RETREG1: variants seen among roughly 807,000 people sequenced by gnomAD.
RETREG1 encodes the protein family with sequence similarity 134 member B.
RETREG1 carries 44 observed loss-of-function variants against 54.8 expected under a neutral mutation model. The ratio of observed to expected loss-of-function variants is 0.80; its 90% CI spans 0.63 to 1.03. The LOEUF is 1.03. Ranked by LOEUF, RETREG1 falls within the 50% of genes least tolerant of loss-of-function variation. The pLI is 0.00. For missense variants in RETREG1, 554 were observed against 605.1 expected (o/e 0.92, Z 0.89); for synonymous variants, 217 against 238.5 (o/e 0.91, Z 0.83).
intron 1 of RETREG1, among the ~76,000 whole-genome samples, chr5:16,606,898 G>C (rs2126369153): frequency 6.6e-6 from 1 of 152,262 alleles, no homozygotes; most frequent in South Asian, 2.1e-4. Flanking sequence ...TGAGCTGAAT[G>C]AACACTGTTT....
chr5:16,553,931 C>T (rs1741615902), intron 3 of RETREG1, among the ~76,000 whole-genome samples: 1 of 152,122 alleles, frequency 6.6e-6, no homozygotes, highest in East Asian at 1.9e-4. Context: ...TCTCAGATTC[C>T]CTCTTGTTGT....
chr5:16,565,718 T>C, intron 3 of RETREG1, 45 bp downstream of exon 3: 1 of 1,602,088 alleles, frequency 6.2e-7, no homozygotes, highest in Non-Finnish European at 8.6e-7. Flanking sequence ...GTCCCCTCCC[T>C]CACCCTCCCT....
chr5:16,493,949 A>G (rs758624337), intron 3 of RETREG1, among the ~76,000 whole-genome samples: 1 of 152,242 alleles, frequency 6.6e-6, no homozygotes, highest in Non-Finnish European at 1.5e-5. Context: ...ATAAAAAGCA[A>G]TAACCTGGAA....
intron 3 of RETREG1, among the ~76,000 whole-genome samples, chr5:16,483,869 T>C (rs1437291672): frequency 1.3e-5 from 2 of 152,018 alleles, no homozygotes; most frequent in African/African-American, 2.4e-5. Context: ...TGAGTCTCAA[T>C]GTGACTCCAG....
At chr5:16,535,021 A>ACCC (rs1279832454) in intron 3 of RETREG1, among the ~76,000 whole-genome samples, 1 of 152,178 alleles carries the variant, frequency 6.6e-6, no homozygotes, top group Non-Finnish European at 1.5e-5. Context: ...TGGACATTAA[A>ACCC]CAAGTGAAGA....
chr5:16,525,811 T>G (rs1284417029), intron 3 of RETREG1, among the ~76,000 whole-genome samples: 1 of 152,026 alleles, frequency 6.6e-6, no homozygotes, highest in African/African-American at 2.4e-5. Flanking sequence ...CTCATGTGAC[T>G]ATGAGGGCCT....
intron 3 of RETREG1, among the ~76,000 whole-genome samples, chr5:16,518,604 T>G (rs1740435663): frequency 1.3e-5 from 2 of 151,688 alleles, no homozygotes; most frequent in Admixed American, 6.6e-5. Flanking sequence ...GAAAAGGGGG[T>G]TGTAAGGAGA....
intron 3 of RETREG1, among the ~76,000 whole-genome samples, chr5:16,488,074 G>T (rs1331167979): frequency 6.6e-6 from 1 of 152,176 alleles, no homozygotes; most frequent in African/African-American, 2.4e-5. Context: ...ATTTTAACAG[G>T]TGTCCTAGAT....
chr5:16,538,703 CT>C (rs879370720), intron 3 of RETREG1, among the ~76,000 whole-genome samples: 2,444 of 142,900 alleles, frequency 0.017, 30 homozygotes, highest in African/African-American at 0.039. Flanking sequence ...TTCTTTCATT[CT>C]TTTTTTTTTT....
intron 3 of RETREG1, among the ~76,000 whole-genome samples, chr5:16,559,258 TAGAC>T (rs1342854220): frequency 2.0e-5 from 3 of 152,114 alleles, no homozygotes; most frequent in Admixed American, 6.6e-5. Context: ...GTTTGAGAGA[TAGAC>T]AGGCTGAGGA....
intron 2 of RETREG1, among the ~76,000 whole-genome samples, chr5:16,567,462 T>C: frequency 6.6e-6 from 1 of 152,196 alleles, no homozygotes; most frequent in East Asian, 1.9e-4. Flanking sequence ...CTGCAGTTCA[T>C]GGGCCACAAT....
intron 1 of RETREG1, among the ~76,000 whole-genome samples, chr5:16,599,429 TGGATAGGAATTATCACAACCA>T (rs942768929): frequency 5.9e-5 from 9 of 152,210 alleles, no homozygotes; most frequent in Non-Finnish European, 1.2e-4. Flanking sequence ...GCACTTGGAT[TGGATAGGAATTATCACAACCA>T]CACAGTATTT....
intron 1 of RETREG1, among the ~76,000 whole-genome samples, chr5:16,607,023 C>T (rs1743208725): frequency 6.6e-6 from 1 of 151,926 alleles, no homozygotes; most frequent in Non-Finnish European, 1.5e-5. Context: ...CTGGAACACT[C>T]CCCTCCAGAG....
chr5:16,478,898 C>G lies in RETREG1; in HGVS notation c.760G>C (p.Asp254His). The G allele has an allele frequency of 6.2e-7, 1 of 1,612,368 alleles. No individual in the cohort carries two copies. ...TTAATATATTCTCCAATTCCAAAAT[C>G]CAGTTTCAGCAGAACTGACTTAATT... ...SKIKSVLLKL[D>H]FGIGEYINQK... Residue 254 changes from aspartate to histidine, a missense_variant, in exon 6 of 9, where the codon GAT (aspartate) becomes CAT (histidine). Around this residue, in one of 4 missense-constraint regions of RETREG1, gnomAD observed 347 missense variants for 412.3 expected, o/e 0.84. Transcript: ENST00000306320.
chr5:16,616,585 C>T, intron 1 of RETREG1, 67 bp downstream of exon 1: 1 of 1,536,306 alleles, frequency 6.5e-7, no homozygotes, highest in Admixed American at 2.0e-5. Flanking sequence ...GCACTGGGTC[C>T]CCGGGGCCCC....
chr5:16,526,284 G>A (rs1028461515), intron 3 of RETREG1, among the ~76,000 whole-genome samples: 2 of 152,154 alleles, frequency 1.3e-5, no homozygotes, highest in Admixed American at 6.5e-5. Flanking sequence ...AGAAAATCTC[G>A]AGTCTCATTT....
intron 3 of RETREG1, among the ~76,000 whole-genome samples, chr5:16,505,035 A>C (rs1264967920): frequency 3.3e-5 from 5 of 152,250 alleles, no homozygotes; most frequent in African/African-American, 4.8e-5. Context: ...AATAAAATTT[A>C]GTGCAATTAC....
chr5:16,568,898 C>T (rs1167673932), intron 2 of RETREG1, among the ~76,000 whole-genome samples: 2 of 152,048 alleles, frequency 1.3e-5, no homozygotes, highest in African/African-American at 2.4e-5. Context: ...ATATTTTTAG[C>T]GAGAAAACGT....
chr5:16,602,730 G>A (rs973326967), intron 1 of RETREG1, among the ~76,000 whole-genome samples: 2 of 152,104 alleles, frequency 1.3e-5, no homozygotes, highest in Non-Finnish European at 2.9e-5. Context: ...CTTAGAGGCC[G>A]GGTGCAGTGG....
Sources: allele counts gnomAD v4.1 joint callset (sites outside exome capture counted in the v4.1 genomes callset), GRCh38; gene constraint gnomAD v4.1.1; regional missense constraint gnomAD v4.1.1; transcripts MANE v1.5; gene names NCBI Gene and HGNC (gene_info 2026-07-23, HGNC 2026-07-21).